Variants in PARP6 observed in about 807,000 individuals in gnomAD.
PARP6 encodes poly(ADP-ribose) polymerase family member 6, also known as protein mono-ADP-ribosyltransferase PARP6.
Under a neutral mutation model 92.0 loss-of-function variants are expected in PARP6, and 27 were observed. The observed-to-expected ratio is 0.29, with a 90% confidence interval of 0.22 to 0.40. The LOEUF (loss-of-function observed/expected upper bound fraction) is 0.40, where lower values mean the gene tolerates loss of function less well. Ranked by LOEUF, PARP6 falls within the 10% of genes least tolerant of loss-of-function variation. PARP6 has a pLI of 1.00. For missense variants in PARP6, 501 were observed against 784.5 expected (o/e 0.64, Z 4.32); for synonymous variants, 272 against 281.2 (o/e 0.97, Z 0.33).
intron 14 of PARP6, among the ~76,000 whole-genome samples, chr15:72,255,094 TGAGTTTGTA>T (rs71133967): frequency 0.036 from 5,548 of 152,180 alleles, 176 homozygotes; most frequent in African/African-American, 0.086. Flanking sequence ...CACCCCGCCA[TGAGTTTGTA>T]GAGTTTGTAG....
rs141561110 is a variant in PARP6 at position 72,249,997 on chromosome 15, A to C, written c.1491+23T>G. 1.6e-4 allele frequency: 241 copies of C among 1,511,612 alleles called. 1 individual carries two copies. The highest frequency in any genetic ancestry group is 8.5e-4 in the Middle Eastern group (5 of 5,862). 93.6% of individuals were successfully genotyped at this position (1,511,612 alleles called of 1,614,324 possible). A position where few individuals can be genotyped will look rare whatever the true frequency, so the allele number is the denominator to read the frequency against. Reference sequence around the variant, plus strand: ...TAGGGAAGGGAGCGGTTAGAAATAAAGGAGAAAGGGGCACAGCCTCACCTG... The same window carrying C: ...TAGGGAAGGGAGCGGTTAGAAATAACGGAGAAAGGGGCACAGCCTCACCTG... On this transcript the variant is annotated intron_variant, in intron 19 of 23. Transcript: ENST00000569795.
chr15:72,246,990 T>A (rs1441034395), intron 20 of PARP6, among the ~76,000 whole-genome samples: 1 of 152,086 alleles, frequency 6.6e-6, no homozygotes, highest in Non-Finnish European at 1.5e-5. Context: ...ACTCCCAACC[T>A]CAGGTGATCT....
chr15:72,266,041 G>C, intron 4 of PARP6, 50 bp from the exon 5 acceptor site: 1 of 1,135,780 alleles, frequency 8.8e-7, no homozygotes, highest in Non-Finnish European at 1.3e-6. Context: ...AAAGACGAGG[G>C]AAAGAGAGAG....
intron 8 of PARP6, 150 bp downstream of exon 8, chr15:72,264,405 T>C (rs12591313): frequency 0.22 from 136,991 of 631,170 alleles, 15,888 homozygotes; most frequent in East Asian, 0.38. Flanking sequence ...TCTGGCTCCC[T>C]AAATTTATTT....
rs2085586585 is a variant in PARP6, at chr15:72,259,649, A to G, written c.769T>C (p.Cys257Arg). Residue 257 changes from cysteine (C) to arginine (R), a missense_variant, in exon 11 of 24, where the codon TGC becomes CGC. Physicochemically the swap from Cys to Arg is radical, Grantham distance 180 (BLOSUM62 -3). Around this residue, in one of 4 missense-constraint regions of PARP6, gnomAD observed 291 missense variants for 352.0 expected, o/e 0.83. Transcript: ENST00000569795. ...ARTSPLVSGH[C>R]KNIPTLEYGF... is the part of the protein sequence containing the mutation. The stretch of plus-strand genomic sequence containing the variant: ...TACTCCAGAGTGGGAATGTTCTTGC[A>G]GTGACCACTGACCTGGTGAGAGTAA... The G allele has an allele frequency of 1.2e-6, 2 of 1,613,984 alleles. No individual in the cohort carries two copies. Among genetic ancestry groups the G allele is most frequent in the Non-Finnish European group, 1.7e-6 (2 of 1,179,954 alleles).
chr15:72,259,902 G>C (rs16956634), intron 10 of PARP6, among the ~76,000 whole-genome samples: 30,620 of 152,182 alleles, frequency 0.2, 3,306 homozygotes, highest in East Asian at 0.41. Flanking sequence ...GTTAACTACA[G>C]TCCTACTCAC....
At chr15:72,268,608 G>A (rs750882654) in intron 2 of PARP6, among the ~76,000 whole-genome samples, 1 of 152,252 alleles carries the variant, frequency 6.6e-6, no homozygotes, top group Non-Finnish European at 1.5e-5. Flanking sequence ...TGAGGCAGGA[G>A]AATCGCTTGA....
At chr15:72,263,758 A>G (rs1040485084) in intron 8 of PARP6, among the ~76,000 whole-genome samples, 1 of 152,162 alleles carries the variant, frequency 6.6e-6, no homozygotes, top group African/African-American at 2.4e-5. Context: ...GCGGTGGCTC[A>G]CACCTGTAAT....
chr15:72,242,503 T>C lies in PARP6; in HGVS notation c.1641+117A>G. On this transcript the variant is annotated intron_variant, in intron 21 of 23. Transcript: ENST00000569795. This position sits in a 1 kb window ranked among gnomAD's most constrained non-coding sequence, Gnocchi z 4.3. ...TTCACTTTAGAACATACCTGACTCC[T>C]TTAAATGATCTCAAATCACTCCCCA... 1 of 771,100 alleles carries C rather than the reference T, an allele frequency of 1.3e-6. No individual in the cohort carries two copies. Among genetic ancestry groups the C allele is most frequent in the East Asian group, 2.5e-5 (1 of 40,592 alleles). 47.8% of individuals were successfully genotyped at this position (771,100 alleles called of 1,614,324 possible).
In PARP6 at chr15:72,256,468, A is replaced by C. The variant is rs755779072; in HGVS notation, c.1122T>G (p.Pro374=). ...PTDPKTLAFN[P]KKKNYERLQK... is the part of the protein sequence containing the mutation. Reference sequence around the variant, plus strand: ...CTGACTTTCTCAAGTAACATACCTTAGGGTTAAAGGCCAGAGTCTTGGGAT... The same window carrying C: ...CTGACTTTCTCAAGTAACATACCTTCGGGTTAAAGGCCAGAGTCTTGGGAT... The change falls in exon 14 of 24, where the codon CCT becomes CCG. Residue 374 remains proline, a synonymous_variant. Transcript: ENST00000569795. The C allele has an allele frequency of 6.4e-7, 1 of 1,555,360 alleles. No individual in the cohort carries two copies. Among genetic ancestry groups the C allele is most frequent in the Non-Finnish European group, 8.6e-7 (1 of 1,157,154 alleles).
In PARP6 at chr15:72,250,773, A is replaced by G. The variant is rs1315928903; in HGVS notation, c.1418+72T>C. ...ATGGACACATGTAACACAAACTCAT[A>G]TCTCAAGGGCATCCTTCTTGCTCAT... On this transcript the variant is annotated intron_variant, in intron 18 of 23. Transcript: ENST00000569795. 5 of 792,414 alleles carry G rather than the reference A, an allele frequency of 6.3e-6. No homozygotes were observed. The East Asian group carries it at 1.1e-4, about 17-fold the overall frequency. 49.1% of individuals were successfully genotyped at this position (792,414 alleles called of 1,614,324 possible).
intron 2 of PARP6, among the ~76,000 whole-genome samples, chr15:72,270,363 T>C (rs936768866): frequency 6.6e-6 from 1 of 152,208 alleles, no homozygotes; most frequent in African/African-American, 2.4e-5. Context: ...GATGGTTTTC[T>C]GGTAATCCCT....
intron 20 of PARP6, among the ~76,000 whole-genome samples, chr15:72,246,761 A>T (rs570026286): frequency 1.6e-3 from 232 of 148,924 alleles, no homozygotes; most frequent in African/African-American, 3.0e-3. Context: ...ATTTATTATT[A>T]TTTTTTTTTT....
At chr15:72,257,295 T>C (rs2085268027) in intron 13 of PARP6, 53 bp downstream of exon 13, 1 of 1,252,470 alleles carries the variant, frequency 8.0e-7, no homozygotes, top group Non-Finnish European at 1.2e-6. Flanking sequence ...AATTGCTGGG[T>C]TCCTCTGTCT....
At position 72,241,989 on chromosome 15, in the gene PARP6, G is replaced by C; in HGVS notation, c.1706-4C>G. 1 of 1,605,790 alleles carries C rather than the reference G, an allele frequency of 6.2e-7. No homozygotes were observed. The highest frequency in any genetic ancestry group is 8.5e-7 in the Non-Finnish European group (1 of 1,172,452). On this transcript the variant is annotated splice_polypyrimidine_tract_variant and splice_region_variant and intron_variant, in intron 22 of 23. Transcript: ENST00000569795. This position sits in a 1 kb window ranked among gnomAD's most constrained non-coding sequence, Gnocchi z 4.1. ...TGGAGGTCCTTAGATGTAATCACTGGGAGAAAGAGGGCCAGAAATCATAGA... is the reference window on the plus strand; with the variant it reads ...TGGAGGTCCTTAGATGTAATCACTGCGAGAAAGAGGGCCAGAAATCATAGA...
chr15:72,264,975 T>C (rs962283396), intron 7 of PARP6, 106 bp downstream of exon 7: 1 of 727,866 alleles, frequency 1.4e-6, no homozygotes, highest in African/African-American at 1.8e-5. Context: ...AGCCTGCAGA[T>C]TGAGCCCAAG....
intron 11 of PARP6, 51 bp from the exon 12 acceptor site, chr15:72,258,183 TA>T: frequency 7.5e-7 from 1 of 1,340,322 alleles, no homozygotes; most frequent in Non-Finnish European, 1.1e-6. Context: ...CACACACAGA[TA>T]TGGGAAATAA....
At chr15:72,264,672 G>T in intron 7 of PARP6, 51 bp from the exon 8 acceptor site, 1 of 1,439,330 alleles carries the variant, frequency 6.9e-7, no homozygotes, top group Non-Finnish European at 9.8e-7. Flanking sequence ...TTGTCTTCCT[G>T]GAGTCCAAAG....
At chr15:72,269,604 G>T (rs1024143694) in intron 2 of PARP6, among the ~76,000 whole-genome samples, 15 of 151,974 alleles carry the variant, frequency 9.9e-5, no homozygotes, top group African/African-American at 3.6e-4. Flanking sequence ...TACTGAATTA[G>T]AAACTCCAGA....
Sources: gnomAD v4.1 joint callset for allele counts (sites outside exome capture counted in the v4.1 genomes callset) on GRCh38, gnomAD v4.1.1 for gene constraint, gnomAD v4.1.1 regional missense constraint, Gnocchi (gnomAD v3.1) non-coding constraint, MANE v1.5 for transcripts, NCBI Gene and HGNC (gene_info 2026-07-23, HGNC 2026-07-21) for gene names.